Variants in RBM20 observed in about 807,000 individuals in gnomAD.
RBM20 encodes RNA binding motif protein 20.
In RBM20, 51 loss-of-function variants were observed where a neutral mutation model predicts 110.1. The observed-to-expected ratio is 0.46, with a 90% confidence interval of 0.37 to 0.59. RBM20 has a LOEUF of 0.59. RBM20 is among the 20% of genes least tolerant of loss of function. The probability of loss-of-function intolerance (pLI) is 0.00; values close to 1 mark genes in which losing one functional copy is unlikely to be tolerated. For missense variants in RBM20, 1,512 were observed against 1,574.9 expected (o/e 0.96, Z 0.68); for synonymous variants, 589 against 618.2 (o/e 0.95, Z 0.70).
intron 1 of RBM20, among the ~76,000 whole-genome samples, chr10:110,772,018 C>A (rs965363359): frequency 6.6e-6 from 1 of 152,192 alleles, no homozygotes; most frequent in Non-Finnish European, 1.5e-5. Flanking sequence ...GTCACCAGAT[C>A]TTATGTTACC....
chr10:110,809,035 C>T (rs1043036804), intron 7 of RBM20, among the ~76,000 whole-genome samples: 7 of 151,616 alleles, frequency 4.6e-5, no homozygotes, highest in South Asian at 4.2e-4. Context: ...GGCAACATAG[C>T]GAGACCTTGT....
At chr10:110,770,133 C>G (rs1283248712) in intron 1 of RBM20, among the ~76,000 whole-genome samples, 1 of 152,190 alleles carries the variant, frequency 6.6e-6, no homozygotes, top group Middle Eastern at 3.2e-3. Flanking sequence ...CATGTTCACG[C>G]TCCACCCCCA....
At chr10:110,814,390 C>T (rs918356311) in intron 9 of RBM20, among the ~76,000 whole-genome samples, 1 of 152,196 alleles carries the variant, frequency 6.6e-6, no homozygotes, top group Non-Finnish European at 1.5e-5. Context: ...ATGAGCTGCT[C>T]TGTGGGCAAT....
intron 1 of RBM20, among the ~76,000 whole-genome samples, chr10:110,766,226 A>G (rs542315742): frequency 1.2e-4 from 19 of 152,154 alleles, no homozygotes; most frequent in Non-Finnish European, 2.5e-4. Context: ...GAAAATATCT[A>G]GAATGGCACA....
At position 110,662,403 on chromosome 10, in the gene RBM20, A is replaced by G. The variant is rs1033948180; in HGVS notation, c.191+17758A>G. On this transcript the variant is annotated intron_variant, in intron 1 of 13. Coordinates refer to ENST00000369519, the MANE Select transcript of RBM20 (RefSeq NM_001134363.3). The stretch of plus-strand genomic sequence containing the variant: ...CTGGGTCAGGCAGTTCCTTGAGAAC[A>G]TCACTGCCCTTTCTCAAAGAAATTT... Among the ~76,000 whole-genome samples, 10 of 152,254 alleles carry G rather than the reference A, an allele frequency of 6.6e-5. No homozygotes were observed. The East Asian group carries it at 1.9e-3, about 29-fold the overall frequency.
chr10:110,828,312 C>T (rs1462928868), intron 12 of RBM20, among the ~76,000 whole-genome samples: 1 of 152,166 alleles, frequency 6.6e-6, no homozygotes, highest in Non-Finnish European at 1.5e-5. Context: ...CCAGAAGTGT[C>T]CTGAGTTGTG....
chr10:110,684,502 A>G (rs566090325), intron 1 of RBM20, among the ~76,000 whole-genome samples: 1 of 152,334 alleles, frequency 6.6e-6, no homozygotes, highest in Admixed American at 6.5e-5. Flanking sequence ...AAAACAACAC[A>G]AAAAACAACA....
At chr10:110,716,049 C>T (rs938948513) in intron 1 of RBM20, among the ~76,000 whole-genome samples, 2 of 152,192 alleles carry the variant, frequency 1.3e-5, no homozygotes, top group African/African-American at 4.8e-5. Flanking sequence ...GGAAGTATCA[C>T]ATTCTTCATT....
intron 1 of RBM20, among the ~76,000 whole-genome samples, chr10:110,679,054 G>A (rs571887359): frequency 1.9e-4 from 29 of 152,302 alleles, no homozygotes; most frequent in African/African-American, 5.3e-4. Context: ...TGGCCTCCTG[G>A]AGCCTCAGGC....
At chr10:110,656,069 G>A (rs113382982) in intron 1 of RBM20, among the ~76,000 whole-genome samples, 22,827 of 152,036 alleles carry the variant, frequency 0.15, 2,695 homozygotes, top group African/African-American at 0.31. Flanking sequence ...GGGAGGCCGA[G>A]GCACGTGGAT....
chr10:110,694,159 G>A (rs11195266), intron 1 of RBM20, among the ~76,000 whole-genome samples: 26,626 of 152,078 alleles, frequency 0.18, 2,575 homozygotes, highest in East Asian at 0.31. Flanking sequence ...ACCAAGCACC[G>A]TCTTAACCAT....
At chr10:110,659,683 C>G (rs547697289) in intron 1 of RBM20, among the ~76,000 whole-genome samples, 1 of 151,900 alleles carries the variant, frequency 6.6e-6, no homozygotes, top group African/African-American at 2.4e-5. Flanking sequence ...CCTAAGCTAG[C>G]ATCTGCCTAT....
At chr10:110,661,173 C>G in intron 1 of RBM20, among the ~76,000 whole-genome samples, 1 of 152,340 alleles carries the variant, frequency 6.6e-6, no homozygotes, top group East Asian at 1.9e-4. Context: ...TGTTCCCTCT[C>G]TGAGCCCACC....
At chr10:110,778,286 T>C (rs758384885) in intron 1 of RBM20, among the ~76,000 whole-genome samples, 3 of 152,226 alleles carry the variant, frequency 2.0e-5, no homozygotes, top group Non-Finnish European at 4.4e-5. Context: ...TAACAACTTA[T>C]AGGCAATTTT....
chr10:110,765,410 G>A (rs1844066827), intron 1 of RBM20, among the ~76,000 whole-genome samples: 1 of 152,114 alleles, frequency 6.6e-6, no homozygotes, highest in South Asian at 2.1e-4. Flanking sequence ...AAGAAACAAG[G>A]CTTGAGAATA....
intron 1 of RBM20, among the ~76,000 whole-genome samples, chr10:110,698,125 G>C (rs998678239): frequency 3.9e-5 from 6 of 152,102 alleles, no homozygotes; most frequent in African/African-American, 1.4e-4. Flanking sequence ...AGCCAGGATA[G>C]TCTCGATCTC....
At chr10:110,705,133 C>T (rs1056530743) in intron 1 of RBM20, among the ~76,000 whole-genome samples, 5 of 152,180 alleles carry the variant, frequency 3.3e-5, no homozygotes, top group East Asian at 1.9e-4. Flanking sequence ...GCCTCCAGCA[C>T]GATGCTGGTT....
chr10:110,797,422 G>A (rs1456807023), intron 5 of RBM20, 86 bp from the exon 6 acceptor site: 2 of 1,291,610 alleles, frequency 1.5e-6, no homozygotes, highest in East Asian at 2.6e-5. Context: ...ATTGTTTAGG[G>A]GAAAGATAGC....
chr10:110,660,219 A>G (rs1314426848), intron 1 of RBM20, among the ~76,000 whole-genome samples: 1 of 152,212 alleles, frequency 6.6e-6, no homozygotes, highest in African/African-American at 2.4e-5. Context: ...TAACTATAGC[A>G]GTAATAATGA....
Sources: allele counts gnomAD v4.1 joint callset (sites outside exome capture counted in the v4.1 genomes callset), GRCh38; gene constraint gnomAD v4.1.1; transcripts MANE v1.5; gene names NCBI Gene and HGNC (gene_info 2026-07-23, HGNC 2026-07-21).